The following IL1RAPL1 variants were observed in gnomAD, a reference collection of about 807,000 sequenced individuals.
The protein encoded by IL1RAPL1 is interleukin-1 receptor accessory protein-like 1.
Under a neutral mutation model 48.4 loss-of-function variants are expected in IL1RAPL1, and 3 were observed. The ratio of observed to expected loss-of-function variants is 0.06; its 90% confidence interval spans 0.03 to 0.16. The LOEUF is 0.16. Ranked by LOEUF, IL1RAPL1 falls within the 10% of genes least tolerant of loss-of-function variation. The pLI is 1.00. For synonymous variants in IL1RAPL1, 185 were observed against 187.7 expected, an observed-to-expected ratio of 0.99 and a Z score of 0.12; for missense variants, 349 against 530.6, an observed-to-expected ratio of 0.66 and a Z score of 3.36.
At chrX:29,054,856 T>G (rs1390498010) in intron 2 of IL1RAPL1, among the ~76,000 whole-genome samples, 3 of 111,970 alleles carry the variant, frequency 2.7e-5, no homozygotes, top group African/African-American at 9.7e-5. Flanking sequence ...ATCTGTTCCT[T>G]TTGTTGCCTT....
intron 5 of IL1RAPL1, among the ~76,000 whole-genome samples, chrX:29,612,108 G>T (rs950335569): frequency 9.0e-6 from 1 of 111,087 alleles, no homozygotes; most frequent in African/African-American, 3.3e-5. Flanking sequence ...AGGGCTGCAG[G>T]TTTCCAGGCT....
chrX:29,411,127 A>C (rs1569305550), intron 5 of IL1RAPL1, among the ~76,000 whole-genome samples: 1 of 111,765 alleles, frequency 8.9e-6, no homozygotes, highest in East Asian at 2.8e-4. Flanking sequence ...TGGGAGGCTG[A>C]AGCAGGAGGA....
chrX:28,655,612 A>G (rs1298490248), intron 1 of IL1RAPL1, among the ~76,000 whole-genome samples: 1 of 112,084 alleles, frequency 8.9e-6, no homozygotes, highest in East Asian at 2.8e-4. Context: ...TGCTAAGCAG[A>G]GGTTCAGAAA....
At chrX:29,819,084 C>T (rs1319916500) in intron 6 of IL1RAPL1, among the ~76,000 whole-genome samples, 2 of 111,760 alleles carry the variant, frequency 1.8e-5, no homozygotes, top group Non-Finnish European at 3.8e-5. Flanking sequence ...TAACAAAGGA[C>T]GGTGTGTTAT....
intron 6 of IL1RAPL1, among the ~76,000 whole-genome samples, chrX:29,778,087 A>G (rs1929250614): frequency 9.0e-6 from 1 of 111,324 alleles, no homozygotes; most frequent in South Asian, 3.7e-4. Flanking sequence ...AGACATATCA[A>G]TATCACTATT....
Position 28,704,635 on chromosome X carries a change from A to G in IL1RAPL1, c.-24-84685A>G, listed in dbSNP as rs890735923. On this transcript the variant is annotated intron_variant, in intron 1 of 10. Transcript: ENST00000378993. ...AACAATAAACATTACAAGGAGATTAACATCAATTATGGTGATGTAATGGAG... is the reference window on the plus strand; with the variant it reads ...AACAATAAACATTACAAGGAGATTAGCATCAATTATGGTGATGTAATGGAG... Among the ~76,000 whole-genome samples the G allele has an allele frequency of 3.2e-4, 35 of 108,918 alleles. 1 individual carries two copies. The highest frequency in any genetic ancestry group is 1.2e-3 in the African/African-American group (35 of 29,756). The allele number at this position is 108,918 out of a possible 115,157, so 94.6% of individuals were successfully genotyped here. A position where few individuals can be genotyped will look rare whatever the true frequency, so the allele number is the denominator to read the frequency against.
chrX:29,921,102 G>T (rs1932845133), intron 8 of IL1RAPL1, among the ~76,000 whole-genome samples: 1 of 112,023 alleles, frequency 8.9e-6, no homozygotes, highest in African/African-American at 3.2e-5. Flanking sequence ...TTTTGCATAG[G>T]GTTAAGTGCA....
At chrX:28,977,449 A>C (rs1925232511) in intron 2 of IL1RAPL1, among the ~76,000 whole-genome samples, 1 of 111,628 alleles carries the variant, frequency 9.0e-6, no homozygotes, top group Admixed American at 9.5e-5. Flanking sequence ...CTCACTATAC[A>C]GTACCAAGAG....
chrX:29,020,242 A>G (rs1868725166), intron 2 of IL1RAPL1, among the ~76,000 whole-genome samples: 1 of 112,575 alleles, frequency 8.9e-6, no homozygotes, highest in African/African-American at 3.2e-5. Context: ...TAATAAGACA[A>G]AAACAGGTAT....
intron 1 of IL1RAPL1, among the ~76,000 whole-genome samples, chrX:28,784,773 CT>C (rs919067923): frequency 1.8e-5 from 2 of 110,940 alleles, no homozygotes; most frequent in African/African-American, 6.6e-5. Flanking sequence ...CCAAATTTAC[CT>C]TTATATTCAC....
At chrX:28,858,181 C>G (rs1490786829) in intron 2 of IL1RAPL1, among the ~76,000 whole-genome samples, 1 of 112,001 alleles carries the variant, frequency 8.9e-6, no homozygotes, top group Non-Finnish European at 1.9e-5. Context: ...AAGGAGTCAC[C>G]TCTTATGGAT....
intron 2 of IL1RAPL1, among the ~76,000 whole-genome samples, chrX:28,958,587 C>T (rs749024860): frequency 9.0e-6 from 1 of 111,400 alleles, no homozygotes; most frequent in East Asian, 2.8e-4. Context: ...ATGATTCCTT[C>T]AAGGATTATG....
chrX:28,983,664 A>G (rs1925397034), intron 2 of IL1RAPL1, among the ~76,000 whole-genome samples: 1 of 112,041 alleles, frequency 8.9e-6, no homozygotes, highest in Non-Finnish European at 1.9e-5. Flanking sequence ...TTATTCTGAT[A>G]TAAACAAAAA....
intron 6 of IL1RAPL1, among the ~76,000 whole-genome samples, chrX:29,873,316 C>G (rs957728840): frequency 9.0e-6 from 1 of 111,169 alleles, no homozygotes; most frequent in Non-Finnish European, 1.9e-5. Context: ...TCAACTTGGT[C>G]TTCAGGTGGT....
intron 5 of IL1RAPL1, among the ~76,000 whole-genome samples, chrX:29,490,563 A>G (rs1373317189): frequency 9.0e-6 from 1 of 111,204 alleles, no homozygotes; most frequent in Non-Finnish European, 1.9e-5. Flanking sequence ...AATTTGACAA[A>G]AATGGAAGTC....
chrX:28,855,171 C>A (rs2147299235), intron 2 of IL1RAPL1, among the ~76,000 whole-genome samples: 1 of 111,162 alleles, frequency 9.0e-6, no homozygotes, highest in Non-Finnish European at 1.9e-5. Context: ...AGGTGTGCAC[C>A]ACCATGCCTG....
At chrX:28,844,038 C>T (rs995457524) in intron 2 of IL1RAPL1, among the ~76,000 whole-genome samples, 3 of 109,497 alleles carry the variant, frequency 2.7e-5, no homozygotes, top group Non-Finnish European at 5.7e-5. Flanking sequence ...AGCTCATCTC[C>T]TAACACTTCC....
intron 5 of IL1RAPL1, among the ~76,000 whole-genome samples, chrX:29,499,860 A>T (rs1246692686): frequency 8.9e-6 from 1 of 112,298 alleles, no homozygotes; most frequent in African/African-American, 3.2e-5. Context: ...CATATGTGAT[A>T]ATTTAATATA....
At chrX:28,955,608 C>T (rs949375731) in intron 2 of IL1RAPL1, among the ~76,000 whole-genome samples, 4 of 107,131 alleles carry the variant, frequency 3.7e-5, no homozygotes, top group African/African-American at 1.4e-4. Flanking sequence ...GGCGTTATTT[C>T]TGAGGGCTCT....
Sources: allele counts gnomAD v4.1 joint callset (sites outside exome capture counted in the v4.1 genomes callset), GRCh38; gene constraint gnomAD v4.1.1; transcripts MANE v1.5; gene names NCBI Gene and HGNC (gene_info 2026-07-23, HGNC 2026-07-21).